SORCS3: variants seen among roughly 807,000 people sequenced by gnomAD.
SORCS3 encodes the protein sortilin related VPS10 domain containing receptor 3, also known as VPS10 domain-containing receptor SorCS3.
SORCS3 carries 57 observed loss-of-function variants against 146.3 expected under a neutral mutation model. That is an observed-to-expected ratio of 0.39 (90% confidence interval 0.31 to 0.49). SORCS3 has a LOEUF of 0.49. Ranked by LOEUF, SORCS3 falls within the 20% of genes least tolerant of loss-of-function variation. SORCS3 has a pLI of 0.92. For missense variants in SORCS3, 1,341 were observed against 1,575.5 expected, an observed-to-expected ratio of 0.85 and a Z score of 2.52; for synonymous variants, 653 against 618.5, an observed-to-expected ratio of 1.06 and a Z score of -0.83.
At chr10:104,909,017 G>T (rs1165476755) in intron 2 of SORCS3, among the ~76,000 whole-genome samples, 1 of 152,142 alleles carries the variant, frequency 6.6e-6, no homozygotes, top group African/African-American at 2.4e-5. Flanking sequence ...CAAAAGCAGG[G>T]TGAGAACATG....
chr10:105,156,985 C>A lies in SORCS3; in HGVS notation c.1483-153C>A, dbSNP rs576688739. ...AACTTTTTAAACATTTTTCAGAGAC[C>A]ACATGGCATTCAACGTTTCCTATCA... is the stretch of plus-strand genomic sequence containing the variant. On this transcript the variant is annotated intron_variant, in intron 9 of 26. Transcript: ENST00000369701. Among the ~76,000 whole-genome samples the A allele has an allele frequency of 5.3e-5, 8 of 152,230 alleles. No homozygotes were observed. The South Asian group carries it at 1.7e-3, about 32-fold the overall frequency.
chr10:104,819,144 A>T lies in SORCS3; in HGVS notation c.628-23648A>T, dbSNP rs576028955. Among the ~76,000 whole-genome samples, 127 of 152,206 alleles carry T rather than the reference A, an allele frequency of 8.3e-4. 1 individual carries two copies. On this transcript the variant is annotated intron_variant, in intron 1 of 26. Coordinates refer to ENST00000369701, the MANE Select transcript of SORCS3 (RefSeq NM_014978.3). ...GTGGATTTGCAGGAATCTCAATGTC[A>T]CTTGAGAACTCTGAGGGGGTGCACG... is the stretch of plus-strand genomic sequence containing the variant.
At chr10:104,858,624 CTT>C (rs775216095) in intron 2 of SORCS3, among the ~76,000 whole-genome samples, 8 of 141,462 alleles carry the variant, frequency 5.7e-5, no homozygotes, top group Admixed American at 7.0e-5. Context: ...GAGAAGTGTA[CTT>C]TTTTTTTTTT....
At chr10:104,864,281 C>T (rs2018436733) in intron 2 of SORCS3, among the ~76,000 whole-genome samples, 1 of 152,024 alleles carries the variant, frequency 6.6e-6, no homozygotes, top group Non-Finnish European at 1.5e-5. Context: ...TGCTGGGAAC[C>T]CATGGGAGTA....
chr10:105,106,558 C>T (rs2055823267), intron 7 of SORCS3, among the ~76,000 whole-genome samples: 1 of 152,178 alleles, frequency 6.6e-6, no homozygotes, highest in Non-Finnish European at 1.5e-5. Context: ...GACCCCTCTC[C>T]CTTGGCCCTA....
chr10:104,820,346 C>G (rs1382387543), intron 1 of SORCS3, among the ~76,000 whole-genome samples: 1 of 152,148 alleles, frequency 6.6e-6, no homozygotes, highest in East Asian at 1.9e-4. Context: ...GTACTACTTG[C>G]ATTATTGTCA....
chr10:104,919,191 C>T (rs116283193), intron 3 of SORCS3, among the ~76,000 whole-genome samples: 41 of 152,286 alleles, frequency 2.7e-4, no homozygotes, highest in African/African-American at 9.4e-4. Context: ...AGCCATTTCT[C>T]ACAGAAACTA....
chr10:104,816,795 A>G (rs989185020), intron 1 of SORCS3, among the ~76,000 whole-genome samples: 2 of 152,220 alleles, frequency 1.3e-5, no homozygotes, highest in Non-Finnish European at 2.9e-5. Flanking sequence ...CATTGGAAAC[A>G]AAACCTAGCT....
At chr10:104,883,281 C>T (rs74155058) in intron 2 of SORCS3, among the ~76,000 whole-genome samples, 1 of 152,142 alleles carries the variant, frequency 6.6e-6, no homozygotes, top group Non-Finnish European at 1.5e-5. Context: ...GAGGTCTTAA[C>T]AACACCCCTC....
chr10:104,868,799 C>T (rs1184805657), intron 2 of SORCS3, among the ~76,000 whole-genome samples: 2 of 152,178 alleles, frequency 1.3e-5, no homozygotes, highest in Non-Finnish European at 2.9e-5. Flanking sequence ...GAGCAACTAG[C>T]CAATCTCATT....
intron 20 of SORCS3, among the ~76,000 whole-genome samples, chr10:105,242,778 T>G (rs1414965939): frequency 3.8e-5 from 4 of 105,932 alleles, no homozygotes; most frequent in Non-Finnish European, 6.7e-5. Context: ...TTTTATATAT[T>G]TATATATTTA....
intron 2 of SORCS3, among the ~76,000 whole-genome samples, chr10:104,887,831 C>A (rs2018704647): frequency 6.6e-6 from 1 of 152,164 alleles, no homozygotes; most frequent in East Asian, 1.9e-4. Context: ...CATACATGAT[C>A]TACTGCATCT....
chr10:105,014,663 T>C (rs778208566), intron 4 of SORCS3, among the ~76,000 whole-genome samples: 52 of 151,632 alleles, frequency 3.4e-4, no homozygotes, highest in Non-Finnish European at 7.4e-5. Context: ...TAACAAAAAA[T>C]GCTGTGGTCT....
intron 23 of SORCS3, among the ~76,000 whole-genome samples, chr10:105,255,444 C>T (rs900510450): frequency 2.0e-5 from 3 of 152,082 alleles, no homozygotes; most frequent in Non-Finnish European, 4.4e-5. Context: ...GTACGTTGTG[C>T]ACATGTACCC....
At chr10:104,752,704 G>T (rs1589485603) in intron 1 of SORCS3, among the ~76,000 whole-genome samples, 3 of 152,070 alleles carry the variant, frequency 2.0e-5, no homozygotes, top group African/African-American at 7.2e-5. Context: ...CCTTTAAATG[G>T]AATTCATTAC....
At chr10:104,848,252 G>A (rs984935746) in intron 2 of SORCS3, among the ~76,000 whole-genome samples, 1 of 151,806 alleles carries the variant, frequency 6.6e-6, no homozygotes, top group African/African-American at 2.4e-5. Flanking sequence ...CTTTTCATCT[G>A]GTTCACAAGC....
At chr10:105,035,899 G>A (rs567082696) in intron 4 of SORCS3, among the ~76,000 whole-genome samples, 1 of 152,172 alleles carries the variant, frequency 6.6e-6, no homozygotes, top group Non-Finnish European at 1.5e-5. Context: ...ATCTACCTAC[G>A]TTGTTCTGCT....
At chr10:104,746,308 T>C (rs1199690906) in intron 1 of SORCS3, among the ~76,000 whole-genome samples, 5 of 152,252 alleles carry the variant, frequency 3.3e-5, no homozygotes, top group Non-Finnish European at 5.9e-5. Flanking sequence ...GGCTAATTTT[T>C]TGTATTTTTA....
intron 2 of SORCS3, among the ~76,000 whole-genome samples, chr10:104,856,416 T>C (rs1473346803): frequency 2.2e-5 from 3 of 136,142 alleles, no homozygotes; most frequent in East Asian, 4.1e-4. Context: ...CACTGTTATA[T>C]GATATTATGA....
Sources: gnomAD v4.1 joint callset for allele counts (sites outside exome capture counted in the v4.1 genomes callset) on GRCh38, gnomAD v4.1.1 for gene constraint, MANE v1.5 for transcripts, NCBI Gene and HGNC (gene_info 2026-07-23, HGNC 2026-07-21) for gene names.